Variants in PASD1 observed in about 807,000 individuals in gnomAD.
PASD1 encodes the protein circadian clock protein PASD1.
In PASD1, 13 loss-of-function variants were observed where a neutral mutation model predicts 58.8. That is an observed-to-expected ratio of 0.22 (90% CI 0.14 to 0.35). The LOEUF (loss-of-function observed/expected upper bound fraction) is 0.35, where lower values mean the gene tolerates loss of function less well. Ranked by LOEUF, PASD1 falls within the 10% of genes least tolerant of loss-of-function variation. The probability of loss-of-function intolerance (pLI) is 1.00; values close to 1 mark genes in which losing one functional copy is unlikely to be tolerated. For missense variants in PASD1, 734 were observed against 568.3 expected, an observed-to-expected ratio of 1.29 and a Z score of -2.96; for synonymous variants, 236 against 216.7, an observed-to-expected ratio of 1.09 and a Z score of -0.78.
chrX:151,652,196 T>G (rs762436231), intron 9 of PASD1, among the ~76,000 whole-genome samples: 3 of 111,011 alleles, frequency 2.7e-5, no homozygotes, highest in Non-Finnish European at 5.7e-5. Flanking sequence ...AAACAGACAA[T>G]AACGAGATGA....
chrX:151,601,030 T>C (rs1436659346), intron 1 of PASD1, among the ~76,000 whole-genome samples: 1 of 112,529 alleles, frequency 8.9e-6, no homozygotes, highest in Non-Finnish European at 1.9e-5. Flanking sequence ...TTGTTTTATA[T>C]GTCAAGGATT....
chrX:151,598,143 T>C (rs2013345560), intron 1 of PASD1, among the ~76,000 whole-genome samples: 2 of 112,688 alleles, frequency 1.8e-5, no homozygotes, highest in African/African-American at 6.5e-5. Context: ...TACTTTAATA[T>C]ATTTGTAATA....
At position 151,648,611 on chromosome X, in the gene PASD1, A is replaced by G. The variant is rs201602164; in HGVS notation, c.630-4A>G. 5.6e-5 allele frequency: 68 copies of G among 1,205,101 alleles called. No individual in the cohort carries two copies. Among genetic ancestry groups the G allele is most frequent in the Middle Eastern group, 2.3e-4 (1 of 4,358 alleles). ...TTACCATCTCTCTTTTTTCCTATTT[A>G]TAGTAGCTCTCAAGGTCAAAGAGGA... On this transcript the variant is annotated splice_region_variant and splice_polypyrimidine_tract_variant and intron_variant, in intron 8 of 15. Transcript: ENST00000370357.
At chrX:151,589,134 T>G (rs1158141279) in intron 1 of PASD1, among the ~76,000 whole-genome samples, 1 of 111,764 alleles carries the variant, frequency 8.9e-6, no homozygotes, top group Non-Finnish European at 1.9e-5. Flanking sequence ...TTCCTACATG[T>G]GGGCTGCTGT....
At chrX:151,573,495 A>G (rs759747251) in intron 1 of PASD1, among the ~76,000 whole-genome samples, 2 of 112,382 alleles carry the variant, frequency 1.8e-5, no homozygotes, top group African/African-American at 3.2e-5. Context: ...AACTTACCCT[A>G]TTCGCTGCAG....
At chrX:151,622,606 C>CACACACACAT (rs1303001078) in intron 6 of PASD1, among the ~76,000 whole-genome samples, 22 of 109,948 alleles carry the variant, frequency 2.0e-4, no homozygotes, top group African/African-American at 7.3e-4. Flanking sequence ...CACACACACA[C>CACACACACAT]ACACACACAC....
intron 4 of PASD1, among the ~76,000 whole-genome samples, chrX:151,615,233 C>CTT (rs34600026): frequency 0.23 from 24,949 of 109,596 alleles, 2,774 homozygotes; most frequent in Non-Finnish European, 0.33. Context: ...GATCTTGCTT[C>CTT]TTTATGTATT....
intron 8 of PASD1, among the ~76,000 whole-genome samples, chrX:151,642,771 G>C (rs2014013243): frequency 1.8e-5 from 2 of 112,173 alleles, no homozygotes; most frequent in African/African-American, 3.2e-5. Flanking sequence ...AGATACTTAG[G>C]ATATATTGTG....
At position 151,600,202 on chromosome X, in the gene PASD1, GA is replaced by G. The variant is rs779872757; in HGVS notation, c.-27-1324del. Among the ~76,000 whole-genome samples, 7 of 110,496 alleles carry G rather than the reference GA, an allele frequency of 6.3e-5. No homozygotes were observed. In the South Asian group the frequency reaches 2.8e-3, roughly 44 times the overall value. ...TCAGTCAGGGAGGTTGCAGTGAGTCGAGATGGTGGCAGTACAGTCCAGCCTT... is the reference window on the plus strand; with the variant it reads ...TCAGTCAGGGAGGTTGCAGTGAGTCGGATGGTGGCAGTACAGTCCAGCCTT... On this transcript the variant is annotated intron_variant, in intron 1 of 15. Coordinates refer to ENST00000370357, the MANE Select transcript of PASD1 (RefSeq NM_173493.3).
intron 1 of PASD1, among the ~76,000 whole-genome samples, chrX:151,596,188 G>A (rs1325357587): frequency 3.6e-5 from 4 of 111,900 alleles, no homozygotes; most frequent in Non-Finnish European, 7.5e-5. Flanking sequence ...AAGAAAAGGG[G>A]TTTATTTAAC....
At chrX:151,641,299 A>G (rs936025446) in intron 8 of PASD1, among the ~76,000 whole-genome samples, 8 of 111,376 alleles carry the variant, frequency 7.2e-5, no homozygotes, top group Non-Finnish European at 1.3e-4. Context: ...GTTGTATATT[A>G]GCAGTGATTT....
At chrX:151,667,897 G>GT (rs1304475288) in intron 11 of PASD1, among the ~76,000 whole-genome samples, 1 of 111,808 alleles carries the variant, frequency 8.9e-6, no homozygotes, top group South Asian at 3.8e-4. Context: ...CTTTAAAGTA[G>GT]TTTTTTCCGA....
intron 1 of PASD1, among the ~76,000 whole-genome samples, chrX:151,566,176 G>T (rs1214790504): frequency 8.9e-6 from 1 of 112,547 alleles, no homozygotes; most frequent in Non-Finnish European, 1.9e-5. Context: ...TAAAGATGCA[G>T]CTTTTAGGGA....
intron 1 of PASD1, among the ~76,000 whole-genome samples, chrX:151,572,909 A>G (rs1339422158): frequency 9.6e-6 from 1 of 103,685 alleles, no homozygotes; most frequent in African/African-American, 3.5e-5. Flanking sequence ...TAGGTTTTAC[A>G]GGAAGCATGG....
chrX:151,662,626 C>CCAACAA (rs752946088), intron 10 of PASD1, among the ~76,000 whole-genome samples: 1 of 110,926 alleles, frequency 9.0e-6, no homozygotes, highest in African/African-American at 3.3e-5. Context: ...CATGTAACAA[C>CCAACAA]CAACAACAAC....
At chrX:151,631,065 G>A (rs1185579508) in intron 8 of PASD1, among the ~76,000 whole-genome samples, 1 of 112,147 alleles carries the variant, frequency 8.9e-6, no homozygotes, top group East Asian at 2.8e-4. Context: ...AAGCAACTAA[G>A]GTACTCTTTG....
intron 4 of PASD1, among the ~76,000 whole-genome samples, chrX:151,619,906 C>T (rs767750873): frequency 1.1e-4 from 12 of 109,898 alleles, no homozygotes; most frequent in African/African-American, 3.6e-4. Context: ...ATGCATGTTT[C>T]GAATTTTGTG....
At chrX:151,668,615 G>A (rs1463901236) in intron 11 of PASD1, among the ~76,000 whole-genome samples, 6 of 111,226 alleles carry the variant, frequency 5.4e-5, no homozygotes, top group Non-Finnish European at 1.1e-4. Flanking sequence ...TAGAAGAAAT[G>A]GATAAATTCC....
chrX:151,594,037 G>A (rs191996411), intron 1 of PASD1, among the ~76,000 whole-genome samples: 1 of 111,263 alleles, frequency 9.0e-6, no homozygotes, highest in East Asian at 2.8e-4. Context: ...GCAGTGGCAC[G>A]GTCTCGGCTC....
Sources: gnomAD v4.1 joint callset for allele counts (sites outside exome capture counted in the v4.1 genomes callset) on GRCh38, gnomAD v4.1.1 for gene constraint, MANE v1.5 for transcripts, NCBI Gene and HGNC (gene_info 2026-07-23, HGNC 2026-07-21) for gene names.